The following PLXDC1 variants were observed in gnomAD, a reference collection of about 807,000 sequenced individuals.
PLXDC1 encodes plexin domain-containing protein 1.
A neutral mutation model predicts 61.3 loss-of-function variants in PLXDC1; 39 were observed. The ratio of observed to expected loss-of-function variants is 0.64; its 90% CI spans 0.49 to 0.83. PLXDC1 has a LOEUF of 0.83. Among genes scored for constraint, PLXDC1 ranks in the 40% least tolerant of loss-of-function variants. The probability of loss-of-function intolerance (pLI) is 0.00; values close to 1 mark genes in which losing one functional copy is unlikely to be tolerated. For missense variants in PLXDC1, 596 were observed against 666.5 expected, an observed-to-expected ratio of 0.89 and a Z score of 1.17; for synonymous variants, 212 against 254.5, an observed-to-expected ratio of 0.83 and a Z score of 1.59.
chr17:39,151,392 C>A lies in PLXDC1; in HGVS notation c.46G>T (p.Ala16Ser). ...CCGGGCTGGGGGCTCAGCGCCCGGG[C>A]AGCCTCCCTGAGCACCAGCACCAGG... ...WLLVLVLREA[A>S]RALSPQPGAG... Residue 16 changes from alanine (A) to serine (S), a missense_variant, in exon 1 of 14, where the codon GCC becomes TCC. Coordinates refer to ENST00000315392, the MANE Select transcript of PLXDC1 (RefSeq NM_020405.5). The surrounding 1 kb of genome is among the most constrained non-coding windows in gnomAD (Gnocchi z 5.2). 7 of 1,295,640 alleles carry A rather than the reference C, an allele frequency of 5.4e-6. No individual in the cohort carries two copies. The highest frequency in any genetic ancestry group is 5.9e-6 in the Non-Finnish European group (6 of 1,020,180). The allele number at this position is 1,295,640 out of a possible 1,614,324, so 80.3% of individuals were successfully genotyped here.
At chr17:39,134,620 T>A (rs796684793) in intron 2 of PLXDC1, among the ~76,000 whole-genome samples, 2 of 144,596 alleles carry the variant, frequency 1.4e-5, no homozygotes, top group African/African-American at 5.3e-5. Flanking sequence ...AGCAAGACTT[T>A]GTCTCTAAAA....
intron 7 of PLXDC1, among the ~76,000 whole-genome samples, chr17:39,102,520 CAA>C (rs2042456490): frequency 6.6e-6 from 1 of 151,784 alleles, no homozygotes; most frequent in Non-Finnish European, 1.5e-5. Context: ...TGTTATAGCC[CAA>C]GATTTAAAAC....
intron 1 of PLXDC1, among the ~76,000 whole-genome samples, chr17:39,146,126 A>G (rs1344624132): frequency 2.7e-5 from 4 of 146,396 alleles, no homozygotes. Context: ...GCTGGAGTAC[A>G]TTGGTGTGAT....
At position 39,068,028 on chromosome 17, in the gene PLXDC1, C is replaced by T. The variant is rs113005421; in HGVS notation, c.1384-69G>A. On this transcript the variant is annotated intron_variant, in intron 13 of 13. Coordinates refer to ENST00000315392, the MANE Select transcript of PLXDC1 (RefSeq NM_020405.5). ...CCCATGGGGACCCCACACTCCTGAG[C>T]GACAGAGCCAACCAAGACTGTCTCT... is the stretch of plus-strand genomic sequence containing the variant. 264 of 1,521,608 alleles carry T rather than the reference C, an allele frequency of 1.7e-4. 1 individual carries two copies. Among genetic ancestry groups the T allele is most frequent in the African/African-American group, 6.8e-4 (50 of 73,160 alleles). 94.3% of individuals were successfully genotyped at this position (1,521,608 alleles called of 1,614,324 possible). A position where few individuals can be genotyped will look rare whatever the true frequency, so the allele number is the denominator to read the frequency against.
chr17:39,097,718 AAAT>A (rs1302536832), intron 7 of PLXDC1, among the ~76,000 whole-genome samples: 1 of 111,616 alleles, frequency 9.0e-6, no homozygotes, highest in Non-Finnish European at 1.8e-5. Flanking sequence ...TACAAATAAT[AAAT>A]AAATAAATAA....
In PLXDC1 at chr17:39,067,714, G is replaced by A; in HGVS notation, c.*126C>T. 1 of 928,832 alleles carries A rather than the reference G, an allele frequency of 1.1e-6. No homozygotes were observed. 57.5% of individuals were successfully genotyped at this position (928,832 alleles called of 1,614,324 possible). A position where few individuals can be genotyped will look rare whatever the true frequency, so the allele number is the denominator to read the frequency against. The stretch of plus-strand genomic sequence containing the variant: ...TGACGAAGCGAGCAGCAGCTCTGGA[G>A]CCATAAACCACCATCTCATCTCAGC... On this transcript the variant is annotated 3_prime_UTR_variant, in exon 14 of 14. Coordinates refer to ENST00000315392, the MANE Select transcript of PLXDC1 (RefSeq NM_020405.5).
intron 2 of PLXDC1, among the ~76,000 whole-genome samples, chr17:39,130,134 G>A (rs1362505515): frequency 6.6e-6 from 1 of 152,076 alleles, no homozygotes; most frequent in African/African-American, 2.4e-5. Flanking sequence ...TGCTTAATGG[G>A]TAAAGGGTTT....
At chr17:39,097,351 GT>G in intron 7 of PLXDC1, among the ~76,000 whole-genome samples, 1 of 152,254 alleles carries the variant, frequency 6.6e-6, no homozygotes, top group African/African-American at 2.4e-5. Context: ...CTGAACTTCT[GT>G]TTCCTTTAAG....
chr17:39,149,863 T>A (rs1471935853), intron 1 of PLXDC1, among the ~76,000 whole-genome samples: 2 of 152,136 alleles, frequency 1.3e-5, no homozygotes, highest in East Asian at 3.8e-4. Flanking sequence ...TCACACCAGG[T>A]TGAGGATTCA....
At chr17:39,137,018 C>A (rs1056735227) in intron 2 of PLXDC1, among the ~76,000 whole-genome samples, 9 of 152,134 alleles carry the variant, frequency 5.9e-5, no homozygotes, top group Non-Finnish European at 1.0e-4. Context: ...CCAGAACTGA[C>A]AAATGTAAGT....
At chr17:39,104,739 G>GCA (rs1910536270) in intron 7 of PLXDC1, among the ~76,000 whole-genome samples, 1 of 151,954 alleles carries the variant, frequency 6.6e-6, no homozygotes, top group Admixed American at 6.6e-5. Context: ...GGTAGAAATT[G>GCA]CACTACTGCA....
At chr17:39,118,418 G>A (rs2143764112) in intron 2 of PLXDC1, among the ~76,000 whole-genome samples, 1 of 152,086 alleles carries the variant, frequency 6.6e-6, no homozygotes. Context: ...TGGCCAGGCT[G>A]TTCTTGAACT....
At position 39,067,579 on chromosome 17, in the gene PLXDC1, A is replaced by G. The variant is rs1186301397; in HGVS notation, c.*261T>C. The G allele has an allele frequency of 2.7e-6, 1 of 366,878 alleles. No individual in the cohort carries two copies. The highest frequency in any genetic ancestry group is 4.9e-6 in the Non-Finnish European group (1 of 202,788). 22.7% of individuals were successfully genotyped at this position (366,878 alleles called of 1,614,324 possible). On this transcript the variant is annotated 3_prime_UTR_variant, in exon 14 of 14. Transcript: ENST00000315392. ...AGTTCTTCTGCTGTTTCATGGTTACAAGACACAGAAGAGAACCCTTGCATC... is the reference window on the plus strand; with the variant it reads ...AGTTCTTCTGCTGTTTCATGGTTACGAGACACAGAAGAGAACCCTTGCATC...
intron 8 of PLXDC1, among the ~76,000 whole-genome samples, chr17:39,084,706 G>A (rs1034497336): frequency 2.6e-5 from 4 of 152,226 alleles, no homozygotes; most frequent in African/African-American, 4.8e-5. Flanking sequence ...AAGAGGGAGC[G>A]ACAGCTGGGG....
chr17:39,126,650 C>T (rs1911318964), intron 2 of PLXDC1, among the ~76,000 whole-genome samples: 1 of 152,166 alleles, frequency 6.6e-6, no homozygotes, highest in Non-Finnish European at 1.5e-5. Context: ...GGAACTGACT[C>T]AGAGCCCATT....
chr17:39,128,097 G>GTATATATATATATACATATATA (rs1911380805), intron 2 of PLXDC1, among the ~76,000 whole-genome samples: 1 of 67,478 alleles, frequency 1.5e-5, no homozygotes. Flanking sequence ...CTCTCTATGT[G>GTATATATATATATACATATATA]TATATATATA....
chr17:39,150,694 C>G (rs980682479), intron 1 of PLXDC1, among the ~76,000 whole-genome samples: 1 of 152,200 alleles, frequency 6.6e-6, no homozygotes, highest in Non-Finnish European at 1.5e-5. Context: ...AGTGCCCCAT[C>G]TAGAGCCAGA....
At chr17:39,097,936 G>A (rs956518819) in intron 7 of PLXDC1, among the ~76,000 whole-genome samples, 4 of 148,276 alleles carry the variant, frequency 2.7e-5, no homozygotes, top group Admixed American at 6.7e-5. Context: ...CAGGTGCAAC[G>A]GCTCACGCCT....
At chr17:39,140,316 C>CTTTTTTTTTTTTTTTT (rs772766013) in intron 1 of PLXDC1, among the ~76,000 whole-genome samples, 1 of 151,028 alleles carries the variant, frequency 6.6e-6, no homozygotes, top group African/African-American at 2.4e-5. Flanking sequence ...TTTTCTTTTT[C>CTTTTTTTTTTTTTTTT]TTTTTTTGAA....
Sources: gnomAD v4.1 joint callset for allele counts (sites outside exome capture counted in the v4.1 genomes callset) on GRCh38, gnomAD v4.1.1 for gene constraint, Gnocchi (gnomAD v3.1) non-coding constraint, MANE v1.5 for transcripts, NCBI Gene and HGNC (gene_info 2026-07-23, HGNC 2026-07-21) for gene names.